Variants in FERMT2 observed in about 807,000 individuals in gnomAD.
The protein encoded by FERMT2 is FERM domain containing kindlin 2, also known as fermitin family homolog 2.
FERMT2 carries 15 observed loss-of-function variants against 82.7 expected under a neutral mutation model. The ratio of observed to expected loss-of-function variants is 0.18; its 90% CI spans 0.12 to 0.28. The LOEUF (loss-of-function observed/expected upper bound fraction) is 0.28. Among genes scored for constraint, FERMT2 ranks in the 10% least tolerant of loss-of-function variants. The pLI, the probability that FERMT2 is intolerant of heterozygous loss-of-function variation, is 1.00. For synonymous variants in FERMT2, 274 were observed against 271.5 expected (o/e 1.01, Z -0.09); for missense variants, 645 against 809.4 (o/e 0.80, Z 2.46).
At chr14:52,908,249 C>T (rs8003334) in intron 3 of FERMT2, among the ~76,000 whole-genome samples, 24,847 of 152,086 alleles carry the variant, frequency 0.16, 2,588 homozygotes, top group African/African-American at 0.29. Flanking sequence ...AATAGTACAG[C>T]CACTTTGGAA....
chr14:52,915,357 T>C (rs568821615), intron 3 of FERMT2, among the ~76,000 whole-genome samples: 11 of 152,322 alleles, frequency 7.2e-5, no homozygotes, highest in African/African-American at 2.6e-4. Context: ...AGGTACTTGC[T>C]CTATCAGATA....
intron 13 of FERMT2, 51 bp downstream of exon 13, chr14:52,860,290 T>G (rs766910241): frequency 6.3e-7 from 1 of 1,585,462 alleles, no homozygotes; most frequent in Non-Finnish European, 8.6e-7. Flanking sequence ...TGAGGTAGAT[T>G]AAGCAAAAAT....
chr14:52,865,089 G>A (rs769921277), intron 10 of FERMT2, among the ~76,000 whole-genome samples: 9 of 152,294 alleles, frequency 5.9e-5, no homozygotes, highest in South Asian at 4.1e-4. Context: ...TTGGGAGGCC[G>A]AGGCGGGCGG....
chr14:52,890,423 C>G (rs1177795633), intron 4 of FERMT2, among the ~76,000 whole-genome samples: 6 of 43,864 alleles, frequency 1.4e-4, no homozygotes, highest in Non-Finnish European at 3.5e-4. Context: ...CCGGCCTGGG[C>G]GACAGAGTGA....
chr14:52,938,998 T>C (rs1003302823), intron 2 of FERMT2, among the ~76,000 whole-genome samples: 1 of 152,000 alleles, frequency 6.6e-6, no homozygotes, highest in Non-Finnish European at 1.5e-5. Flanking sequence ...TTACTAATAA[T>C]GATGCAAAGT....
intron 2 of FERMT2, among the ~76,000 whole-genome samples, chr14:52,936,769 T>A (rs1047686244): frequency 4.0e-4 from 61 of 152,152 alleles, no homozygotes; most frequent in African/African-American, 1.4e-3. Context: ...ACAAATCCTA[T>A]CCTATATGCT....
chr14:52,933,804 G>A (rs1326806216), intron 2 of FERMT2, among the ~76,000 whole-genome samples: 1 of 150,928 alleles, frequency 6.6e-6, no homozygotes, highest in Non-Finnish European at 1.5e-5. Flanking sequence ...CCGTTAACAG[G>A]TTCCACAAAT....
chr14:52,913,704 T>C (rs1467964917), intron 3 of FERMT2, among the ~76,000 whole-genome samples: 1 of 151,942 alleles, frequency 6.6e-6, no homozygotes, highest in Non-Finnish European at 1.5e-5. Context: ...GTAGTAGTAG[T>C]AGTAGTAGTA....
chr14:52,898,493 A>C (rs1162483619), intron 3 of FERMT2, among the ~76,000 whole-genome samples: 1 of 152,248 alleles, frequency 6.6e-6, no homozygotes, highest in Non-Finnish European at 1.5e-5. Context: ...CTTTGAACCT[A>C]AGATTTATCT....
intron 4 of FERMT2, 151 bp downstream of exon 4, chr14:52,893,142 G>A (rs1594957063): frequency 3.5e-6 from 2 of 573,046 alleles, no homozygotes; most frequent in East Asian, 6.0e-5. Flanking sequence ...GACTACAGGT[G>A]TGTGCCACCA....
At chr14:52,933,572 T>C (rs1265763769) in intron 2 of FERMT2, among the ~76,000 whole-genome samples, 2 of 151,504 alleles carry the variant, frequency 1.3e-5, no homozygotes, top group African/African-American at 2.4e-5. Context: ...TAGCCGGGCA[T>C]GGTGGCACAT....
intron 2 of FERMT2, among the ~76,000 whole-genome samples, chr14:52,933,710 CAAAA>C (rs1337838375): frequency 2.4e-4 from 2 of 8,452 alleles, no homozygotes; most frequent in African/African-American, 8.1e-4. Context: ...AACTCCGTCT[CAAAA>C]AAAAAAAAAA....
At position 52,881,467 on chromosome 14, in the gene FERMT2, T is replaced by C. The variant is rs934885893; in HGVS notation, c.529A>G (p.Ser177Gly). 3.1e-6 allele frequency: 5 copies of C among 1,598,408 alleles called. No individual in the cohort carries two copies. Among genetic ancestry groups the C allele is most frequent in the Non-Finnish European group, 4.3e-6 (5 of 1,166,752 alleles). ...TACAGTCCTGGGCTTGAATATATACTTCCTAATAAGTAACATGAAAAACAG... is the reference window on the plus strand; with the variant it reads ...TACAGTCCTGGGCTTGAATATATACCTCCTAATAAGTAACATGAAAAACAG... ...EGPLITPGSGSIYSSPGLYSK... is the reference protein window; with the variant it reads ...EGPLITPGSGGIYSSPGLYSK... The change falls in exon 5 of 15, where the codon AGT (serine) becomes GGT (glycine). Residue 177 changes from serine (S) to glycine (G), a missense_variant and splice_region_variant. Transcript: ENST00000341590.
At chr14:52,903,978 TA>T (rs1294734083) in intron 3 of FERMT2, among the ~76,000 whole-genome samples, 4 of 152,140 alleles carry the variant, frequency 2.6e-5, no homozygotes, top group Non-Finnish European at 4.4e-5. Context: ...TGTTGAAAAT[TA>T]AGGAGAATAA....
At chr14:52,895,173 T>C (rs750109099) in intron 3 of FERMT2, among the ~76,000 whole-genome samples, 9 of 152,114 alleles carry the variant, frequency 5.9e-5, no homozygotes, top group Non-Finnish European at 8.8e-5. Flanking sequence ...GCAGTACCCA[T>C]ACATCAAAGA....
chr14:52,869,835 C>T (rs990061408), intron 10 of FERMT2, among the ~76,000 whole-genome samples: 1 of 152,146 alleles, frequency 6.6e-6, no homozygotes, highest in Non-Finnish European at 1.5e-5. Context: ...GTTACTCCCC[C>T]TGAAGACCTT....
intron 2 of FERMT2, among the ~76,000 whole-genome samples, chr14:52,920,187 G>T (rs375397622): frequency 1.6e-4 from 24 of 152,116 alleles, no homozygotes; most frequent in East Asian, 1.3e-3. Flanking sequence ...ACTTCAACTA[G>T]TTATTTATTT....
chr14:52,879,397 G>A (rs1194723144), intron 6 of FERMT2, among the ~76,000 whole-genome samples: 1 of 152,112 alleles, frequency 6.6e-6, no homozygotes, highest in Non-Finnish European at 1.5e-5. Context: ...TATACCAGTT[G>A]AGTGTCCCTA....
chr14:52,920,101 G>A (rs1888868753), intron 2 of FERMT2, among the ~76,000 whole-genome samples: 1 of 152,100 alleles, frequency 6.6e-6, no homozygotes, highest in African/African-American at 2.4e-5. Flanking sequence ...ATAAAGAAAA[G>A]AATGTAATTT....
Sources: gnomAD v4.1 joint callset for allele counts (sites outside exome capture counted in the v4.1 genomes callset) on GRCh38, gnomAD v4.1.1 for gene constraint, MANE v1.5 for transcripts, NCBI Gene and HGNC (gene_info 2026-07-23, HGNC 2026-07-21) for gene names.